The following SRP54 variants were observed in gnomAD, a reference collection of about 807,000 sequenced individuals.
SRP54 encodes the protein signal recognition particle 54.
A neutral mutation model predicts 64.8 loss-of-function variants in SRP54; 10 were observed. The ratio of observed to expected loss-of-function variants is 0.15; its 90% CI spans 0.10 to 0.26. The LOEUF (loss-of-function observed/expected upper bound fraction) is 0.26. SRP54 is among the 10% of genes least tolerant of loss of function. The pLI is 1.00. For synonymous variants in SRP54, 193 were observed against 185.6 expected (o/e 1.04, Z -0.32); for missense variants, 325 against 613.7 (o/e 0.53, Z 4.97).
Position 35,029,092 on chromosome 14 carries a change from G to A in SRP54, c.1455G>A (p.Arg485=), listed in dbSNP as rs1299565427. 14 of 1,613,710 alleles carry A rather than the reference G, an allele frequency of 8.7e-6. No homozygotes were observed. Among genetic ancestry groups the A allele is most frequent in the Non-Finnish European group, 1.2e-5 (14 of 1,179,890 alleles). Residue 485 remains arginine (R), a synonymous_variant, in exon 16 of 16, where the codon AGG becomes AGA. Coordinates refer to ENST00000216774, the MANE Select transcript of SRP54 (RefSeq NM_003136.4). ...TGGCAGGACTTCAGTCAATGATGAG[G>A]CAGTTTCAACAGGGTGCTGCTGGCA... ...GGMAGLQSMM[R]QFQQGAAGNM...
Position 34,995,527 on chromosome 14 carries a change from G to A in SRP54, c.-33-1150G>A, listed in dbSNP as rs147970709. 5.9e-3 allele frequency among the ~76,000 whole-genome samples: 903 copies of A among 152,252 alleles called. 3 individuals carry two copies. Among genetic ancestry groups the A allele is most frequent in the Middle Eastern group, 0.017 (5 of 294 alleles). On this transcript the variant is annotated intron_variant, in intron 1 of 15. Transcript: ENST00000216774. ...TGTGCCTTGTCTTACCAGCTAGTAGGTAAGCATCTTGAGGGCAGGGACTAC... is the reference window on the plus strand; with the variant it reads ...TGTGCCTTGTCTTACCAGCTAGTAGATAAGCATCTTGAGGGCAGGGACTAC...
At chr14:34,985,919 T>C (rs1270670713) in intron 1 of SRP54, among the ~76,000 whole-genome samples, 9 of 152,198 alleles carry the variant, frequency 5.9e-5, no homozygotes, top group Admixed American at 5.9e-4. Context: ...ATGCCTCTTA[T>C]CCCTCCTTTT....
Position 34,984,867 on chromosome 14 carries a change from A to G in SRP54, c.-34+1652A>G, listed in dbSNP as rs144598570. ...TCTGTACTTTCCCCTAAAACTTGCA[A>G]ACTCATTAGGTCCAAAACCAAATGC... On this transcript the variant is annotated intron_variant, in intron 1 of 15. Transcript: ENST00000216774. 7.7e-4 allele frequency among the ~76,000 whole-genome samples: 117 copies of G among 150,998 alleles called. 1 individual carries two copies. The Middle Eastern group carries it at 0.011, about 14-fold the overall frequency.
At position 35,000,836 on chromosome 14, in the gene SRP54, A is replaced by T. The variant is rs572376847; in HGVS notation, c.171-100A>T. ...AATTGGAAGACTATTAATATGAATG[A>T]CTGAATGTTGTACATTCTTTGGAGC... is the stretch of plus-strand genomic sequence containing the variant. On this transcript the variant is annotated intron_variant, in intron 3 of 15. Coordinates refer to ENST00000216774, the MANE Select transcript of SRP54 (RefSeq NM_003136.4). 40 of 523,280 alleles carry T rather than the reference A, an allele frequency of 7.6e-5. No individual in the cohort carries two copies. In the East Asian group the frequency reaches 1.3e-3, roughly 17 times the overall value. The allele number at this position is 523,280 out of a possible 1,614,324, so 32.4% of individuals were successfully genotyped here.
chr14:35,023,157 G>T, intron 14 of SRP54, 77 bp downstream of exon 14: 1 of 1,246,702 alleles, frequency 8.0e-7, no homozygotes, highest in Non-Finnish European at 1.1e-6. Context: ...TGCCAGTATT[G>T]GAAAATTCAC....
chr14:34,999,011 GTGGT>G lies in SRP54; in HGVS notation c.79-545_79-542del, dbSNP rs1391871861. ...TGTGTGTGTGTGTGTGTGTGTGTGT[GTGGT>G]TTTTTTTTTTTTTTTTTGAGACAAA... On this transcript the variant is annotated intron_variant, in intron 2 of 15. Coordinates refer to ENST00000216774, the MANE Select transcript of SRP54 (RefSeq NM_003136.4). Among the ~76,000 whole-genome samples, 406 of 46,222 alleles carry G rather than the reference GTGGT, an allele frequency of 8.8e-3. 1 individual carries two copies. Among genetic ancestry groups the G allele is most frequent in the African/African-American group, 0.024 (356 of 14,850 alleles). 30.3% of individuals were successfully genotyped at this position (46,222 alleles called of 152,430 possible).
At chr14:34,997,089 T>C (rs944319898) in intron 2 of SRP54, among the ~76,000 whole-genome samples, 40 of 152,244 alleles carry the variant, frequency 2.6e-4, no homozygotes, top group Middle Eastern at 3.4e-3. Flanking sequence ...AACTGTACTT[T>C]TGTTTTCTTT....
chr14:35,002,665 G>C (rs2138987178), intron 4 of SRP54, among the ~76,000 whole-genome samples: 1 of 147,878 alleles, frequency 6.8e-6, no homozygotes, highest in South Asian at 2.1e-4. Flanking sequence ...TCTATCTCTT[G>C]ACCTAGTGAT....
At chr14:35,014,897 ATTAAG>A (rs2044413872) in intron 11 of SRP54, 67 bp downstream of exon 11, 4 of 1,195,342 alleles carry the variant, frequency 3.3e-6, no homozygotes, top group Middle Eastern at 2.1e-4. Flanking sequence ...TAAAGTTACT[ATTAAG>A]TTATTTGAAA....
chr14:35,004,057 C>T (rs906211697), intron 4 of SRP54, among the ~76,000 whole-genome samples: 5 of 151,298 alleles, frequency 3.3e-5, no homozygotes, highest in African/African-American at 1.2e-4. Context: ...CCAGCCTGAC[C>T]AACATGGTGA....
rs564111076 is a variant in SRP54, at chr14:35,020,099, C to T, written c.1156+1025C>T. Among the ~76,000 whole-genome samples the T allele has an allele frequency of 5.9e-5, 9 of 152,200 alleles. No homozygotes were observed. In the South Asian group the frequency reaches 6.2e-4, roughly 11 times the overall value. On this transcript the variant is annotated intron_variant, in intron 13 of 15. Coordinates refer to ENST00000216774, the MANE Select transcript of SRP54 (RefSeq NM_003136.4). Reference sequence around the variant, plus strand: ...ACTTGGGAGGCTGAGGCAGGAGAATCGCTTGAACCCGGGAGGCGGAGGTTG... The same window carrying T: ...ACTTGGGAGGCTGAGGCAGGAGAATTGCTTGAACCCGGGAGGCGGAGGTTG...
intron 4 of SRP54, among the ~76,000 whole-genome samples, chr14:35,006,067 C>T (rs2044252854): frequency 3.3e-5 from 5 of 151,950 alleles, no homozygotes; most frequent in Admixed American, 3.3e-4. Context: ...TCTCAATCTC[C>T]TGACCTTGTG....
rs560584583 is a variant in SRP54 at position 35,018,702 on chromosome 14, G to A, written c.984G>A (p.Thr328=). The change falls in exon 12 of 16, where the codon ACG becomes ACA. Residue 328 remains threonine (T), a synonymous_variant. Transcript: ENST00000216774. ...LIEKLKHGQF[T]LRDMYEQFQN... is the part of the protein sequence containing the mutation. ...TACATTGTATTTCAGGTCAGTTTAC[G>A]TTGCGAGACATGTATGAGCAATTTC... The A allele has an allele frequency of 6.0e-5, 96 of 1,612,842 alleles. No homozygotes were observed. Among genetic ancestry groups the A allele is most frequent in the Middle Eastern group, 1.7e-4 (1 of 6,058 alleles).
chr14:35,026,682 C>T (rs1415325346), intron 14 of SRP54, among the ~76,000 whole-genome samples: 1 of 152,168 alleles, frequency 6.6e-6, no homozygotes, highest in Non-Finnish European at 1.5e-5. Context: ...CTGTGGCCTA[C>T]GCCTGTAATC....
intron 1 of SRP54, among the ~76,000 whole-genome samples, chr14:34,989,859 T>C (rs892373378): frequency 6.6e-6 from 1 of 152,314 alleles, no homozygotes; most frequent in African/African-American, 2.4e-5. Context: ...TCTCATTTAA[T>C]CCTCACAACA....
intron 3 of SRP54, 93 bp downstream of exon 3, chr14:34,999,742 C>A: frequency 2.3e-6 from 2 of 887,070 alleles, no homozygotes; most frequent in East Asian, 2.5e-5. Flanking sequence ...TATCAGGAAT[C>A]ATTTCTGCTC....
At position 35,022,295 on chromosome 14, in the gene SRP54, A is replaced by G. The variant is rs187178371; in HGVS notation, c.1157-615A>G. ...TTTACTTAAACTGTAGGGAAAGTAC[A>G]TGTTTGTTTCATTGTTTTTATAGCT... On this transcript the variant is annotated intron_variant, in intron 13 of 15. Transcript: ENST00000216774. Among the ~76,000 whole-genome samples the G allele has an allele frequency of 2.7e-3, 409 of 151,860 alleles. 4 individuals are homozygous for G. Among genetic ancestry groups the G allele is most frequent in the African/African-American group, 9.5e-3 (392 of 41,406 alleles).
chr14:35,020,186 A>G (rs538348263), intron 13 of SRP54, among the ~76,000 whole-genome samples: 2 of 119,720 alleles, frequency 1.7e-5, no homozygotes, highest in Non-Finnish European at 3.8e-5. Flanking sequence ...CTCTGTCTCA[A>G]AAGAAAAAAA....
chr14:35,026,333 T>G (rs921976837), intron 14 of SRP54, among the ~76,000 whole-genome samples: 6 of 152,044 alleles, frequency 3.9e-5, no homozygotes, highest in African/African-American at 1.4e-4. Context: ...GCTCAAGCGA[T>G]CCTCCAATCT....
Sources: gnomAD v4.1 joint callset for allele counts (sites outside exome capture counted in the v4.1 genomes callset) on GRCh38, gnomAD v4.1.1 for gene constraint, MANE v1.5 for transcripts, NCBI Gene and HGNC (gene_info 2026-07-23, HGNC 2026-07-21) for gene names.